RABGAP1L: variants seen among roughly 807,000 people sequenced by gnomAD.
The protein encoded by RABGAP1L is rab GTPase-activating protein 1-like.
RABGAP1L carries 63 observed loss-of-function variants against 137.7 expected under a neutral mutation model. The ratio of observed to expected loss-of-function variants is 0.46; its 90% CI spans 0.37 to 0.56. The LOEUF (loss-of-function observed/expected upper bound fraction) is 0.56. Among genes scored for constraint, RABGAP1L ranks in the 20% least tolerant of loss-of-function variants. RABGAP1L has a pLI of 0.00. For synonymous variants in RABGAP1L, 431 were observed against 433.7 expected (o/e 0.99, Z 0.08); for missense variants, 1,095 against 1,244.0 (o/e 0.88, Z 1.80).
intron 11 of RABGAP1L, among the ~76,000 whole-genome samples, chr1:174,349,907 G>T (rs1682934811): frequency 7.2e-6 from 1 of 139,152 alleles, no homozygotes; most frequent in Non-Finnish European, 1.6e-5. Flanking sequence ...CCAGGTGGGG[G>T]GCTGACCCCC....
chr1:174,973,646 A>G (rs1670359412), intron 21 of RABGAP1L, among the ~76,000 whole-genome samples: 1 of 151,924 alleles, frequency 6.6e-6, no homozygotes, highest in Non-Finnish European at 1.5e-5. Flanking sequence ...CAGCCTCCCA[A>G]AGTGCTGGGA....
intron 13 of RABGAP1L, among the ~76,000 whole-genome samples, chr1:174,405,781 C>T (rs1303174987): frequency 6.6e-6 from 1 of 151,950 alleles, no homozygotes; most frequent in Non-Finnish European, 1.5e-5. Context: ...AGTTCGAGAC[C>T]AGCCTGGGCC....
At chr1:174,872,996 G>A (rs1398421666) in intron 19 of RABGAP1L, among the ~76,000 whole-genome samples, 1 of 152,196 alleles carries the variant, frequency 6.6e-6, no homozygotes, top group Non-Finnish European at 1.5e-5. Context: ...TCATGCAGGA[G>A]GAACAGTTTC....
chr1:174,481,881 T>TA (rs1166772879), intron 13 of RABGAP1L, among the ~76,000 whole-genome samples: 329 of 59,774 alleles, frequency 5.5e-3, no homozygotes, highest in African/African-American at 0.012. Context: ...TAATAAAAAA[T>TA]AAAAAAAAAA....
intron 4 of RABGAP1L, among the ~76,000 whole-genome samples, chr1:174,238,349 G>T (rs374125730): frequency 5.3e-5 from 8 of 152,118 alleles, no homozygotes; most frequent in Admixed American, 1.3e-4. Context: ...GACGCTCTGC[G>T]TTTTAGAGTT....
At chr1:174,615,397 G>T (rs539675209) in intron 13 of RABGAP1L, among the ~76,000 whole-genome samples, 2 of 152,160 alleles carry the variant, frequency 1.3e-5, no homozygotes, top group African/African-American at 4.8e-5. Context: ...GCGGATTTTC[G>T]TGAACCACAA....
chr1:174,445,629 CTA>C (rs778699906), intron 13 of RABGAP1L, among the ~76,000 whole-genome samples: 41 of 152,024 alleles, frequency 2.7e-4, no homozygotes, highest in Non-Finnish European at 3.8e-4. Context: ...TAAAATGTAA[CTA>C]TATATTTTAG....
intron 7 of RABGAP1L, among the ~76,000 whole-genome samples, chr1:174,267,880 G>C (rs2148650192): frequency 6.6e-6 from 1 of 152,202 alleles, no homozygotes; most frequent in Non-Finnish European, 1.5e-5. Context: ...TTTTCCTTTT[G>C]AAAAATATCA....
intron 1 of RABGAP1L, among the ~76,000 whole-genome samples, chr1:174,171,755 C>G (rs568601252): frequency 5.3e-5 from 8 of 151,070 alleles, no homozygotes; most frequent in African/African-American, 1.9e-4. Context: ...GTAATCCCAG[C>G]ACTTTGGGAG....
intron 13 of RABGAP1L, among the ~76,000 whole-genome samples, chr1:174,460,693 T>G (rs899912040): frequency 6.6e-6 from 1 of 152,182 alleles, no homozygotes; most frequent in Non-Finnish European, 1.5e-5. Context: ...ACTATGATGA[T>G]TCATTGCAAA....
intron 13 of RABGAP1L, among the ~76,000 whole-genome samples, chr1:174,621,066 C>T (rs182552689): frequency 1.3e-5 from 2 of 151,656 alleles, no homozygotes; most frequent in African/African-American, 4.8e-5. Flanking sequence ...ACACATACAC[C>T]CTCCCAAGAC....
At chr1:174,609,743 A>G (rs571635562) in intron 13 of RABGAP1L, among the ~76,000 whole-genome samples, 2 of 152,318 alleles carry the variant, frequency 1.3e-5, no homozygotes, top group South Asian at 2.1e-4. Context: ...AGTGTTTTAT[A>G]CACCTTAATT....
At chr1:174,439,492 G>C (rs912920494) in intron 13 of RABGAP1L, among the ~76,000 whole-genome samples, 2 of 152,060 alleles carry the variant, frequency 1.3e-5, no homozygotes, top group Non-Finnish European at 2.9e-5. Flanking sequence ...GCAGCATTTG[G>C]CATTTTTTAG....
chr1:174,880,040 C>T (rs1653896125), intron 19 of RABGAP1L, among the ~76,000 whole-genome samples: 1 of 144,734 alleles, frequency 6.9e-6, no homozygotes, highest in Non-Finnish European at 1.5e-5. Flanking sequence ...TCACGGTGAG[C>T]TGAGACAGAG....
At chr1:174,534,026 A>T (rs1032759533) in intron 13 of RABGAP1L, among the ~76,000 whole-genome samples, 1 of 152,068 alleles carries the variant, frequency 6.6e-6, no homozygotes, top group Non-Finnish European at 1.5e-5. Context: ...TCTGGCTAGC[A>T]GTAGGCTACT....
At chr1:174,287,187 CTTG>C in intron 10 of RABGAP1L, among the ~76,000 whole-genome samples, 1 of 152,032 alleles carries the variant, frequency 6.6e-6, no homozygotes, top group Non-Finnish European at 1.5e-5. Flanking sequence ...TCTCTTAATA[CTTG>C]TTTTATAATG....
chr1:174,986,778 C>G (rs1237171332), intron 24 of RABGAP1L, among the ~76,000 whole-genome samples: 1 of 152,200 alleles, frequency 6.6e-6, no homozygotes, highest in Non-Finnish European at 1.5e-5. Flanking sequence ...GGTGCTATGT[C>G]TTTGCACATG....
chr1:174,915,370 G>A lies in RABGAP1L; in HGVS notation c.2341-42087G>A, dbSNP rs531639107. ...TTTTTGTAGTAGTATCTCATTTGAG[G>A]TTTTTATTTATATTTTCTAATGGTG... On this transcript the variant is annotated intron_variant, in intron 19 of 25. Coordinates refer to ENST00000681986, the MANE Select transcript of RABGAP1L (RefSeq NM_001366446.1). 7.4e-4 allele frequency among the ~76,000 whole-genome samples: 113 copies of A among 152,154 alleles called. No individual in the cohort carries two copies. In the South Asian group the frequency reaches 8.3e-3, roughly 11 times the overall value.
In RABGAP1L at chr1:174,448,380, T is replaced by C; in HGVS notation, c.1710+54235T>C. The C allele has an allele frequency of 6.2e-7, 1 of 1,613,850 alleles. No homozygotes were observed. ...ACGATGGCATATGCTGATCTTTTCG[T>C]TGGAGTTAGCTGCTTGGTTCCTACT... On this transcript the variant is annotated intron_variant, in intron 13 of 25. Coordinates refer to ENST00000681986, the MANE Select transcript of RABGAP1L (RefSeq NM_001366446.1). The surrounding 1 kb of genome is among the most constrained non-coding windows in gnomAD (Gnocchi z 4.2).
Sources: gnomAD v4.1 joint callset for allele counts (sites outside exome capture counted in the v4.1 genomes callset) on GRCh38, gnomAD v4.1.1 for gene constraint, Gnocchi (gnomAD v3.1) non-coding constraint, MANE v1.5 for transcripts, NCBI Gene and HGNC (gene_info 2026-07-23, HGNC 2026-07-21) for gene names.